Variants in NPAS2 observed in about 807,000 individuals in gnomAD.
NPAS2 encodes the protein neuronal PAS domain-containing protein 2.
In NPAS2, 23 loss-of-function variants were observed where a neutral mutation model predicts 107.5. That is an observed-to-expected ratio of 0.21 (90% confidence interval 0.15 to 0.30). NPAS2 has a LOEUF of 0.30. Ranked by LOEUF, NPAS2 falls within the 10% of genes least tolerant of loss-of-function variation. The pLI is 1.00. For missense variants in NPAS2, 756 were observed against 1,043.3 expected (o/e 0.72, Z 3.79); for synonymous variants, 403 against 417.5 (o/e 0.97, Z 0.42).
chr2:100,889,547 T>C (rs2104685844), intron 1 of NPAS2, among the ~76,000 whole-genome samples: 1 of 152,324 alleles, frequency 6.6e-6, no homozygotes, highest in African/African-American at 2.4e-5. Context: ...TTCTTGTGTA[T>C]TTGATCCATG....
rs891383570 is a variant in NPAS2 at position 100,895,998 on chromosome 2, G to T, written c.-22-8735G>T. Among the ~76,000 whole-genome samples the T allele has an allele frequency of 2.6e-5, 4 of 152,170 alleles. No homozygotes were observed. The East Asian group carries it at 7.7e-4, about 29-fold the overall frequency. ...TAGATAAGAAAGGCTGAAGCTCAGT[G>T]TCACCTCCCTTAGCAGGGGCTCAGT... On this transcript the variant is annotated intron_variant, in intron 1 of 20. Coordinates refer to ENST00000335681, the MANE Select transcript of NPAS2 (RefSeq NM_002518.4).
chr2:100,869,954 GAGTGCAGTGGCACGAT>G (rs1679477119), intron 1 of NPAS2, among the ~76,000 whole-genome samples: 1 of 145,396 alleles, frequency 6.9e-6, no homozygotes, highest in Non-Finnish European at 1.5e-5. Context: ...GCCCAGGCTG[GAGTGCAGTGGCACGAT>G]CTTGGCTCAC....
intron 5 of NPAS2, among the ~76,000 whole-genome samples, chr2:100,945,960 T>A (rs1035538425): frequency 1.3e-5 from 2 of 152,172 alleles, no homozygotes; most frequent in Non-Finnish European, 1.5e-5. Context: ...ATCCTGGACA[T>A]CAGGGATGTG....
intron 1 of NPAS2, among the ~76,000 whole-genome samples, chr2:100,837,790 GGGA>G (rs1677161038): frequency 6.6e-6 from 1 of 152,178 alleles, no homozygotes; most frequent in African/African-American, 2.4e-5. Flanking sequence ...GGCGTATGCT[GGGA>G]GGAGGAGATA....
intron 2 of NPAS2, among the ~76,000 whole-genome samples, chr2:100,913,773 C>G (rs1682702363): frequency 6.6e-6 from 1 of 152,174 alleles, no homozygotes; most frequent in African/African-American, 2.4e-5. Flanking sequence ...TGTACCTGCA[C>G]CACTATGCAT....
At chr2:100,825,777 A>G (rs1418032568) in intron 1 of NPAS2, among the ~76,000 whole-genome samples, 2 of 152,244 alleles carry the variant, frequency 1.3e-5, no homozygotes, top group African/African-American at 4.8e-5. Flanking sequence ...GGAAGGAAAC[A>G]GTCCTTTCCT....
chr2:100,971,369 G>A (rs1325601199), intron 12 of NPAS2, among the ~76,000 whole-genome samples: 3 of 150,680 alleles, frequency 2.0e-5, no homozygotes, highest in Admixed American at 6.6e-5. Flanking sequence ...AGCACGGCTC[G>A]GCGACTTTCC....
intron 12 of NPAS2, 41 bp downstream of exon 12, chr2:100,971,115 T>G (rs773551956): frequency 6.3e-7 from 1 of 1,590,774 alleles, no homozygotes; most frequent in Admixed American, 1.7e-5. Flanking sequence ...AAAGGTTGGC[T>G]AGGAAGAAAA....
At chr2:100,935,929 G>A (rs1407972954) in intron 4 of NPAS2, among the ~76,000 whole-genome samples, 2 of 152,096 alleles carry the variant, frequency 1.3e-5, no homozygotes, top group African/African-American at 4.8e-5. Flanking sequence ...TTCGTTGTGG[G>A]GACTCTCCTG....
In NPAS2 at chr2:100,952,792, T is replaced by C. The variant is rs192523597; in HGVS notation, c.598+3312T>C. Among the ~76,000 whole-genome samples the C allele has an allele frequency of 2.8e-4, 42 of 152,102 alleles. No homozygotes were observed. In the East Asian group the frequency reaches 7.7e-3, roughly 28 times the overall value. ...TTTTTTAACTAGCAGGGCTCTACTT[T>C]CACTATGGGTTGAGATAGTGTTTGT... On this transcript the variant is annotated intron_variant, in intron 7 of 20. Coordinates refer to ENST00000335681, the MANE Select transcript of NPAS2 (RefSeq NM_002518.4).
intron 15 of NPAS2, among the ~76,000 whole-genome samples, chr2:100,980,684 T>C (rs1677381623): frequency 6.6e-6 from 1 of 152,174 alleles, no homozygotes; most frequent in African/African-American, 2.4e-5. Context: ...TTGGCCAGGC[T>C]GGTCTCAAAC....
intron 2 of NPAS2, among the ~76,000 whole-genome samples, chr2:100,913,154 C>T (rs1682657452): frequency 6.6e-6 from 1 of 152,150 alleles, no homozygotes; most frequent in Admixed American, 6.5e-5. Flanking sequence ...GCCTTTAGCT[C>T]CTCACCATAG....
At chr2:100,826,348 A>G (rs1676378645) in intron 1 of NPAS2, among the ~76,000 whole-genome samples, 1 of 152,212 alleles carries the variant, frequency 6.6e-6, no homozygotes, top group Non-Finnish European at 1.5e-5. Flanking sequence ...AGGCTGAGGC[A>G]GGAGAATCAC....
chr2:100,857,442 G>T lies in NPAS2; in HGVS notation c.-23+37028G>T, dbSNP rs116137759. Among the ~76,000 whole-genome samples, 667 of 152,344 alleles carry T rather than the reference G, an allele frequency of 4.4e-3. 1 individual carries two copies. Among genetic ancestry groups the T allele is most frequent in the Non-Finnish European group, 7.4e-3 (502 of 68,034 alleles). On this transcript the variant is annotated intron_variant, in intron 1 of 20. Coordinates refer to ENST00000335681, the MANE Select transcript of NPAS2 (RefSeq NM_002518.4). ...GCTCAGTCCTTGCTCTCAAGGAGCTGGCTAATGAGAGAGCAGCCCAGTGGA... is the reference window on the plus strand; with the variant it reads ...GCTCAGTCCTTGCTCTCAAGGAGCTTGCTAATGAGAGAGCAGCCCAGTGGA...
chr2:100,852,193 A>G (rs13393439), intron 1 of NPAS2, among the ~76,000 whole-genome samples: 55,181 of 151,718 alleles, frequency 0.36, 10,870 homozygotes, highest in Non-Finnish European at 0.42. Context: ...TCAGGAGATC[A>G]AGACCATCCT....
chr2:100,829,072 T>A (rs565818518), intron 1 of NPAS2, among the ~76,000 whole-genome samples: 1 of 152,358 alleles, frequency 6.6e-6, no homozygotes, highest in African/African-American at 2.4e-5. Context: ...ATGTTTTCTT[T>A]TAGAAGTGTT....
chr2:100,966,946 TC>T (rs2105169029), intron 10 of NPAS2, among the ~76,000 whole-genome samples: 1 of 152,270 alleles, frequency 6.6e-6, no homozygotes, highest in South Asian at 2.1e-4. Context: ...TTGAGTTCCA[TC>T]TGGATCGGCT....
At chr2:100,923,328 G>C (rs356653) in intron 2 of NPAS2, among the ~76,000 whole-genome samples, 1 of 151,920 alleles carries the variant, frequency 6.6e-6, no homozygotes, top group Non-Finnish European at 1.5e-5. Context: ...TTGCCCAAAT[G>C]TTATCAGGAA....
At chr2:100,923,269 C>T (rs1159382688) in intron 2 of NPAS2, among the ~76,000 whole-genome samples, 1 of 152,052 alleles carries the variant, frequency 6.6e-6, no homozygotes. Context: ...CAGGAAAAGA[C>T]CCCTAGGTAA....
Sources: gnomAD v4.1 joint callset for allele counts (sites outside exome capture counted in the v4.1 genomes callset) on GRCh38, gnomAD v4.1.1 for gene constraint, MANE v1.5 for transcripts, NCBI Gene and HGNC (gene_info 2026-07-23, HGNC 2026-07-21) for gene names.